Variants in TULP3 observed in about 807,000 individuals in gnomAD.
The protein encoded by TULP3 is tubby-related protein 3.
In TULP3, 38 loss-of-function variants were observed where a neutral mutation model predicts 50.7. That is an observed-to-expected ratio of 0.75 (90% CI 0.58 to 0.98). TULP3 has a LOEUF of 0.98. Among genes scored for constraint, TULP3 ranks in the 50% least tolerant of loss-of-function variants. The pLI is 0.00. For synonymous variants in TULP3, 183 were observed against 196.6 expected (o/e 0.93, Z 0.58); for missense variants, 550 against 568.0 (o/e 0.97, Z 0.32).
rs776743517 is a variant in TULP3, at chr12:2,931,194, T to G, written c.650T>G (p.Leu217Arg). 2 of 1,614,230 alleles carry G rather than the reference T, an allele frequency of 1.2e-6. No individual in the cohort carries two copies. Among genetic ancestry groups the G allele is most frequent in the Non-Finnish European group, 1.7e-6 (2 of 1,180,036 alleles). The part of the protein sequence containing the change: ...IRDKRGMDRG[L>R]FPTYYMYLEK... ...GATAAAAGGGGAATGGATCGGGGTC[T>G]CTTCCCCACCTACTATATGTACTTG... is the stretch of plus-strand genomic sequence containing the variant. The change falls in exon 6 of 11, where the codon CTC becomes CGC. Residue 217 changes from leucine to arginine, a missense_variant. Coordinates refer to ENST00000448120, the MANE Select transcript of TULP3 (RefSeq NM_003324.5).
chr12:2,920,105 T>C (rs1161643604), intron 2 of TULP3, among the ~76,000 whole-genome samples: 1 of 152,134 alleles, frequency 6.6e-6, no homozygotes, highest in Non-Finnish European at 1.5e-5. Flanking sequence ...CCACCCTTGC[T>C]GTGTTCCTCC....
chr12:2,918,063 C>A (rs1179626971), intron 2 of TULP3, among the ~76,000 whole-genome samples: 2 of 152,082 alleles, frequency 1.3e-5, no homozygotes, highest in African/African-American at 4.8e-5. Flanking sequence ...GCACTCCAGC[C>A]TGGGCAGCAA....
intron 4 of TULP3, among the ~76,000 whole-genome samples, chr12:2,928,771 T>A (rs7962054): frequency 0.17 from 25,338 of 151,786 alleles, 2,429 homozygotes; most frequent in South Asian, 0.26. Context: ...GGTGAAACCC[T>A]GTCTCTACTA....
chr12:2,909,912 C>G (rs951808063), intron 2 of TULP3, among the ~76,000 whole-genome samples: 1 of 152,178 alleles, frequency 6.6e-6, no homozygotes, highest in Admixed American at 6.6e-5. Context: ...CCTTAAGTAC[C>G]TCTCTACGAT....
At chr12:2,931,012 T>C (rs753817169) in intron 5 of TULP3, 25 bp from the exon 6 acceptor site, 1 of 1,613,592 alleles carries the variant, frequency 6.2e-7, no homozygotes, top group East Asian at 2.2e-5. Context: ...GGCCTGTTGT[T>C]GCTCATGTAT....
In TULP3 at chr12:2,938,230, T is replaced by C. The variant is rs2098202663; in HGVS notation, c.1140T>C (p.Arg380=). ...SDTQSYVLNF[R]GRVTQASVKN... ...CTCAGTCCTATGTCCTCAACTTCCGTGGCCGGGTCACTCAGGCGTCTGTGA... is the reference window on the plus strand; with the variant it reads ...CTCAGTCCTATGTCCTCAACTTCCGCGGCCGGGTCACTCAGGCGTCTGTGA... Residue 380 remains arginine (R), a synonymous_variant, in exon 10 of 11, where the codon CGT becomes CGC. Coordinates refer to ENST00000448120, the MANE Select transcript of TULP3 (RefSeq NM_003324.5). 3 of 1,614,036 alleles carry C rather than the reference T, an allele frequency of 1.9e-6. No homozygotes were observed. The highest frequency in any genetic ancestry group is 1.1e-5 in the South Asian group (1 of 91,090).
intron 1 of TULP3, among the ~76,000 whole-genome samples, chr12:2,906,846 G>A (rs2098182591): frequency 6.6e-6 from 1 of 151,722 alleles, no homozygotes; most frequent in South Asian, 2.1e-4. Flanking sequence ...AATCTGGGAA[G>A]CGGAGGTTGC....
intron 1 of TULP3, among the ~76,000 whole-genome samples, chr12:2,893,327 G>GGTTT (rs1555110454): frequency 0.17 from 21,983 of 127,882 alleles, 2,094 homozygotes; most frequent in South Asian, 0.28. Context: ...TGTTTAATGT[G>GGTTT]TTTTTTTTTT....
chr12:2,894,042 C>T (rs2098173902), intron 1 of TULP3, among the ~76,000 whole-genome samples: 1 of 151,996 alleles, frequency 6.6e-6, no homozygotes, highest in East Asian at 1.9e-4. Context: ...AATATAGATT[C>T]CCTGGAGATG....
rs190399056 is a variant in TULP3, at chr12:2,911,611, C to T, written c.93+2031C>T. ...CGAACTCCTGACCTCATGATCCGCCCGCCTTAGCCTCCCAAAGTGCTGGGA... is the reference window on the plus strand; with the variant it reads ...CGAACTCCTGACCTCATGATCCGCCTGCCTTAGCCTCCCAAAGTGCTGGGA... On this transcript the variant is annotated intron_variant, in intron 2 of 10. Transcript: ENST00000448120. Among the ~76,000 whole-genome samples, 150 of 147,202 alleles carry T rather than the reference C, an allele frequency of 1.0e-3. 2 individuals carry two copies. Among genetic ancestry groups the T allele is most frequent in the Admixed American group, 8.9e-3 (127 of 14,284 alleles).
chr12:2,894,307 G>T (rs1263221237), intron 1 of TULP3, among the ~76,000 whole-genome samples: 1 of 141,422 alleles, frequency 7.1e-6, no homozygotes, highest in African/African-American at 2.7e-5. Context: ...GGGCGGGGGG[G>T]GGGAAATCAC....
chr12:2,909,885 G>A (rs1452910365), intron 2 of TULP3, among the ~76,000 whole-genome samples: 1 of 152,216 alleles, frequency 6.6e-6, no homozygotes, highest in Admixed American at 6.5e-5. Flanking sequence ...TTTCTGTGTA[G>A]TAATTTGGTT....
chr12:2,935,129 C>A (rs2098200353), intron 8 of TULP3, among the ~76,000 whole-genome samples: 1 of 152,216 alleles, frequency 6.6e-6, no homozygotes, highest in African/African-American at 2.4e-5. Flanking sequence ...CTTTTAGTGA[C>A]TACCCATTGT....
chr12:2,936,437 T>C (rs142703709), intron 8 of TULP3, among the ~76,000 whole-genome samples: 87 of 151,296 alleles, frequency 5.8e-4, no homozygotes, highest in Non-Finnish European at 1.2e-3. Flanking sequence ...TTCACAGTTA[T>C]CTCAAATCAC....
At chr12:2,936,441 A>C (rs1285428894) in intron 8 of TULP3, among the ~76,000 whole-genome samples, 1 of 151,492 alleles carries the variant, frequency 6.6e-6, no homozygotes, top group African/African-American at 2.4e-5. Flanking sequence ...CAGTTATCTC[A>C]AATCACATTT....
chr12:2,894,307 G>C (rs1263221237), intron 1 of TULP3, among the ~76,000 whole-genome samples: 1 of 141,420 alleles, frequency 7.1e-6, no homozygotes, highest in African/African-American at 2.7e-5. Flanking sequence ...GGGCGGGGGG[G>C]GGGAAATCAC....
At chr12:2,926,948 T>G (rs954093251) in intron 4 of TULP3, among the ~76,000 whole-genome samples, 5 of 152,148 alleles carry the variant, frequency 3.3e-5, no homozygotes, top group African/African-American at 7.2e-5. Context: ...TACAGAGTTC[T>G]ACAACCATTT....
chr12:2,933,619 C>A, intron 7 of TULP3, 89 bp downstream of exon 7: 25 of 678,956 alleles, frequency 3.7e-5, no homozygotes, highest in South Asian at 1.2e-4. Flanking sequence ...TTACAACTAG[C>A]ATGTATTGAT....
chr12:2,895,166 A>C (rs1244333009), intron 1 of TULP3, among the ~76,000 whole-genome samples: 1 of 152,166 alleles, frequency 6.6e-6, no homozygotes, highest in African/African-American at 2.4e-5. Flanking sequence ...GGAGGGGTTT[A>C]CTCTAAAATA....
Sources: gnomAD v4.1 joint callset for allele counts (sites outside exome capture counted in the v4.1 genomes callset) on GRCh38, gnomAD v4.1.1 for gene constraint, MANE v1.5 for transcripts, NCBI Gene and HGNC (gene_info 2026-07-23, HGNC 2026-07-21) for gene names.